HIVEP3: variants seen among roughly 807,000 people sequenced by gnomAD.
HIVEP3 encodes the protein transcription factor HIVEP3.
In HIVEP3, 49 loss-of-function variants were observed where a neutral mutation model predicts 152.8. That is an observed-to-expected ratio of 0.32 (90% CI 0.26 to 0.41). The LOEUF is 0.41. Among genes scored for constraint, HIVEP3 ranks in the 10% least tolerant of loss-of-function variants. HIVEP3 has a pLI of 1.00. For missense variants in HIVEP3, 2,790 were observed against 3,103.3 expected, an observed-to-expected ratio of 0.90 and a Z score of 2.40; for synonymous variants, 1,269 against 1,289.0, an observed-to-expected ratio of 0.98 and a Z score of 0.33.
intron 1 of HIVEP3, among the ~76,000 whole-genome samples, chr1:41,948,578 A>T (rs955615606): frequency 6.6e-6 from 1 of 152,164 alleles, no homozygotes; most frequent in Non-Finnish European, 1.5e-5. Flanking sequence ...AGAAATGCTT[A>T]TAGAAGGACC....
At chr1:41,645,449 G>C (rs28452871) in intron 2 of HIVEP3, among the ~76,000 whole-genome samples, 1 of 152,182 alleles carries the variant, frequency 6.6e-6, no homozygotes, top group Non-Finnish European at 1.5e-5. Context: ...TATTGATCCT[G>C]CCTTCCATAT....
At chr1:42,028,127 C>T (rs1645592803) in intron 1 of HIVEP3, among the ~76,000 whole-genome samples, 1 of 152,216 alleles carries the variant, frequency 6.6e-6, no homozygotes, top group South Asian at 2.1e-4. Flanking sequence ...CTCCTGTCTC[C>T]TGACCAAGTT....
At chr1:41,957,081 A>G (rs1342265931) in intron 1 of HIVEP3, among the ~76,000 whole-genome samples, 1 of 152,120 alleles carries the variant, frequency 6.6e-6, no homozygotes, top group African/African-American at 2.4e-5. Flanking sequence ...GGGCTCAGTG[A>G]TTTATTTTTC....
At chr1:41,721,911 C>G (rs1234845121) in intron 1 of HIVEP3, among the ~76,000 whole-genome samples, 1 of 152,156 alleles carries the variant, frequency 6.6e-6, no homozygotes, top group Non-Finnish European at 1.5e-5. Flanking sequence ...GGCTAGTGAG[C>G]GTGATCCACT....
intron 1 of HIVEP3, among the ~76,000 whole-genome samples, chr1:41,730,557 G>A (rs917453972): frequency 6.6e-6 from 1 of 152,242 alleles, no homozygotes; most frequent in Non-Finnish European, 1.5e-5. Context: ...GGAACATCAT[G>A]GGCCACCAGG....
intron 1 of HIVEP3, among the ~76,000 whole-genome samples, chr1:41,723,723 G>A (rs1185715158): frequency 6.6e-6 from 1 of 152,224 alleles, no homozygotes; most frequent in African/African-American, 2.4e-5. Flanking sequence ...ATAATGATAA[G>A]TAATAACTTT....
intron 1 of HIVEP3, among the ~76,000 whole-genome samples, chr1:41,759,335 T>TG (rs1299345445): frequency 6.6e-6 from 1 of 152,100 alleles, no homozygotes; most frequent in Non-Finnish European, 1.5e-5. Context: ...TCATCCATGT[T>TG]GTAGCAGGTA....
Position 41,581,480 on chromosome 1 carries a change from C to T in HIVEP3, c.3318G>A (p.Gln1106=), listed in dbSNP as rs1324369697. The change falls in exon 4 of 9, where the codon CAG becomes CAA. Residue 1106 remains glutamine, a synonymous_variant. Transcript: ENST00000372583. This position sits in a 1 kb window ranked among gnomAD's most constrained non-coding sequence, Gnocchi z 4.5. ...CAGTGGGCCCCAATGGGGGCCTGTC[C>T]TGCCCTGGGCCCTTGCCTCCCGGGG... is the stretch of plus-strand genomic sequence containing the variant. The part of the protein sequence containing the change: ...GGPPGGKGPG[Q]DRPPLGPTVP... The T allele has an allele frequency of 1.3e-6, 2 of 1,573,216 alleles. No individual in the cohort carries two copies. Among genetic ancestry groups the T allele is most frequent in the Admixed American group, 3.6e-5 (2 of 55,346 alleles).
intron 5 of HIVEP3, among the ~76,000 whole-genome samples, chr1:41,563,296 G>A (rs776856588): frequency 6.6e-6 from 1 of 151,822 alleles, no homozygotes; most frequent in Non-Finnish European, 1.5e-5. Context: ...GCAGTGAGCT[G>A]TGATCATGCC....
intron 3 of HIVEP3, among the ~76,000 whole-genome samples, chr1:41,626,335 A>G (rs573011123): frequency 6.6e-6 from 1 of 152,312 alleles, no homozygotes; most frequent in African/African-American, 2.4e-5. Flanking sequence ...CACCTCATTA[A>G]TCACAGGCAC....
chr1:41,528,254 AC>A (rs1643077249), intron 5 of HIVEP3, among the ~76,000 whole-genome samples: 1 of 40,414 alleles, frequency 2.5e-5, no homozygotes, highest in Non-Finnish European at 4.8e-5. Flanking sequence ...TCACCCTCAC[AC>A]CCCTCCACCC....
At chr1:41,641,951 A>C (rs1405377450) in intron 2 of HIVEP3, among the ~76,000 whole-genome samples, 4 of 152,198 alleles carry the variant, frequency 2.6e-5, no homozygotes, top group Non-Finnish European at 5.9e-5. Flanking sequence ...GTGAACTATC[A>C]TTTGTAAAGT....
At chr1:41,771,399 A>C (rs925771704) in intron 1 of HIVEP3, among the ~76,000 whole-genome samples, 1 of 152,154 alleles carries the variant, frequency 6.6e-6, no homozygotes, top group Non-Finnish European at 1.5e-5. Context: ...ATAATAGGAG[A>C]AAAGAAGTTA....
chr1:41,936,598 G>A (rs1645021468), intron 1 of HIVEP3, among the ~76,000 whole-genome samples: 1 of 152,184 alleles, frequency 6.6e-6, no homozygotes, highest in African/African-American at 2.4e-5. Context: ...ACATTTTGAT[G>A]CTTAGAGGGC....
At chr1:41,536,742 G>T (rs1263076063) in intron 5 of HIVEP3, among the ~76,000 whole-genome samples, 1 of 151,938 alleles carries the variant, frequency 6.6e-6, no homozygotes, top group Non-Finnish European at 1.5e-5. Context: ...TCTTACACTG[G>T]GTGCCAAGCA....
intron 2 of HIVEP3, among the ~76,000 whole-genome samples, chr1:41,639,698 C>G (rs943075709): frequency 6.6e-6 from 1 of 152,196 alleles, no homozygotes; most frequent in Non-Finnish European, 1.5e-5. Context: ...AGGGGCTCAC[C>G]TTTGTTTCAG....
intron 3 of HIVEP3, among the ~76,000 whole-genome samples, chr1:41,589,569 C>A (rs919134756): frequency 6.6e-6 from 1 of 152,222 alleles, no homozygotes; most frequent in Non-Finnish European, 1.5e-5. Flanking sequence ...AGGGTGGACA[C>A]CCCAGAGGAC....
chr1:42,003,356 C>T (rs781384324), intron 1 of HIVEP3, among the ~76,000 whole-genome samples: 21 of 152,260 alleles, frequency 1.4e-4, no homozygotes, highest in South Asian at 8.3e-4. Context: ...GGATTACAGG[C>T]GTGAGCCAAC....
At chr1:41,578,169 G>A (rs1014256962) in intron 4 of HIVEP3, among the ~76,000 whole-genome samples, 4 of 152,184 alleles carry the variant, frequency 2.6e-5, no homozygotes, top group Non-Finnish European at 4.4e-5. Flanking sequence ...TTGTGTTTTG[G>A]TCTCCTCATC....
Sources: gnomAD v4.1 joint callset for allele counts (sites outside exome capture counted in the v4.1 genomes callset) on GRCh38, gnomAD v4.1.1 for gene constraint, Gnocchi (gnomAD v3.1) non-coding constraint, MANE v1.5 for transcripts, NCBI Gene and HGNC (gene_info 2026-07-23, HGNC 2026-07-21) for gene names.